Variants in TRIM2 observed in about 807,000 individuals in gnomAD.
The protein encoded by TRIM2 is tripartite motif containing 2, also known as tripartite motif-containing protein 2.
In TRIM2, 20 loss-of-function variants were observed where a neutral mutation model predicts 75.2. The ratio of observed to expected loss-of-function variants is 0.27; its 90% confidence interval spans 0.19 to 0.39. The LOEUF is 0.39. Among genes scored for constraint, TRIM2 ranks in the 10% least tolerant of loss-of-function variants. TRIM2 has a pLI of 1.00. For synonymous variants in TRIM2, 373 were observed against 388.3 expected (o/e 0.96, Z 0.46); for missense variants, 660 against 990.8 (o/e 0.67, Z 4.48).
At chr4:153,263,399 T>C (rs1263158238) in intron 1 of TRIM2, among the ~76,000 whole-genome samples, 1 of 152,200 alleles carries the variant, frequency 6.6e-6, no homozygotes, top group Admixed American at 6.5e-5. Flanking sequence ...AACATTCAGA[T>C]GACCGGCAAC....
intron 1 of TRIM2, among the ~76,000 whole-genome samples, chr4:153,181,361 C>A (rs939543217): frequency 6.6e-6 from 1 of 152,174 alleles, no homozygotes; most frequent in African/African-American, 2.4e-5. Context: ...CCCTGTGGGC[C>A]CTGGTCACAG....
chr4:153,189,450 C>G (rs1560797066), intron 1 of TRIM2, among the ~76,000 whole-genome samples: 1 of 152,206 alleles, frequency 6.6e-6, no homozygotes, highest in East Asian at 1.9e-4. Context: ...AACCACAGAG[C>G]TGGCTGAAGG....
chr4:153,179,762 A>G lies in TRIM2; in HGVS notation c.-49+26492A>G, dbSNP rs574348699. ...AGAGTTTTTAAAGGGGTGTTTAGAA[A>G]ATCAGCACCTTATTTGTGGCAAGGC... On this transcript the variant is annotated intron_variant, in intron 1 of 11. Coordinates refer to the TRIM2 transcript ENST00000437508. Among the ~76,000 whole-genome samples, 166 of 152,232 alleles carry G rather than the reference A, an allele frequency of 1.1e-3. 1 individual carries two copies. Among genetic ancestry groups the G allele is most frequent in the African/African-American group, 3.9e-3 (162 of 41,522 alleles).
chr4:153,256,813 T>C (rs542290024), intron 1 of TRIM2, among the ~76,000 whole-genome samples: 1 of 152,220 alleles, frequency 6.6e-6, no homozygotes, highest in Non-Finnish European at 1.5e-5. Context: ...AGAAATGTCA[T>C]TGCATGATTT....
In TRIM2 at chr4:153,336,818, C is replaced by T; in HGVS notation, c.*1852C>T. ...AAAAAGGTTTTTCCAGGAAGATTTACATTTAGGTTTAATATTTTTTTAGTT... is the reference window on the plus strand; with the variant it reads ...AAAAAGGTTTTTCCAGGAAGATTTATATTTAGGTTTAATATTTTTTTAGTT... On this transcript the variant is annotated 3_prime_UTR_variant, in exon 12 of 12. Coordinates refer to ENST00000338700, the MANE Select transcript of TRIM2 (RefSeq NM_015271.5). 1 of 985,398 alleles carries T rather than the reference C, an allele frequency of 1.0e-6. No individual in the cohort carries two copies. Among genetic ancestry groups the T allele is most frequent in the Non-Finnish European group, 1.2e-6 (1 of 829,578 alleles). 61.0% of individuals were successfully genotyped at this position (985,398 alleles called of 1,614,324 possible).
At chr4:153,226,855 T>C (rs1742258881) in intron 1 of TRIM2, among the ~76,000 whole-genome samples, 3 of 152,124 alleles carry the variant, frequency 2.0e-5, no homozygotes, top group Non-Finnish European at 4.4e-5. Context: ...CCCAATCAGG[T>C]AGAAGAAAGG....
intron 2 of TRIM2, among the ~76,000 whole-genome samples, chr4:153,275,378 T>A (rs1328530726): frequency 6.6e-6 from 1 of 152,250 alleles, no homozygotes; most frequent in Non-Finnish European, 1.5e-5. Context: ...CACTTTGATG[T>A]GTTTTTTATA....
At chr4:153,304,185 C>A (rs2405970) in intron 6 of TRIM2, among the ~76,000 whole-genome samples, 33,760 of 152,028 alleles carry the variant, frequency 0.22, 4,356 homozygotes, top group African/African-American at 0.35. Context: ...ATGATCTCAG[C>A]TCACTTTAAT....
intron 1 of TRIM2, among the ~76,000 whole-genome samples, chr4:153,175,965 G>A (rs539025994): frequency 3.7e-4 from 56 of 152,134 alleles, no homozygotes; most frequent in Non-Finnish European, 7.4e-4. Flanking sequence ...AATCAGTGGG[G>A]CCCAGGAGTT....
intron 1 of TRIM2, among the ~76,000 whole-genome samples, chr4:153,236,873 G>T (rs879090838): frequency 6.6e-6 from 1 of 151,940 alleles, no homozygotes; most frequent in African/African-American, 2.4e-5. Flanking sequence ...TAAATTTTTG[G>T]TAGAGATGGG....
At chr4:153,310,964 G>A (rs55749285) in intron 6 of TRIM2, among the ~76,000 whole-genome samples, 9,658 of 152,222 alleles carry the variant, frequency 0.063, 414 homozygotes, top group Middle Eastern at 0.13. Flanking sequence ...GTTCAGCAGA[G>A]GTCATGGAAC....
At chr4:153,182,599 T>C (rs185475234) in intron 1 of TRIM2, among the ~76,000 whole-genome samples, 1 of 152,312 alleles carries the variant, frequency 6.6e-6, no homozygotes, top group Non-Finnish European at 1.5e-5. Context: ...CAGGAACCAC[T>C]CAGTATTCAA....
In TRIM2 at chr4:153,295,929, C is replaced by T; in HGVS notation, c.1403C>T (p.Pro468Leu). 5 of 1,600,512 alleles carry T rather than the reference C, an allele frequency of 3.1e-6. No homozygotes were observed. Among genetic ancestry groups the T allele is most frequent in the Non-Finnish European group, 4.3e-6 (5 of 1,173,652 alleles). ...GGCGTGAAGAGGCGCGTTAAGTCCC[C>T]GGGGAGCGGCCACGTCAAGCAGAAA... ...TEGVKRRVKS[P>L]GSGHVKQKAV... Residue 468 changes from proline (P) to leucine (L), a missense_variant, in exon 6 of 12, where the codon CCG becomes CTG. Transcript: ENST00000338700. The surrounding 1 kb of genome is among the most constrained non-coding windows in gnomAD (Gnocchi z 7.2).
chr4:153,253,033 A>G (rs1260065013), intron 1 of TRIM2, among the ~76,000 whole-genome samples: 1 of 152,224 alleles, frequency 6.6e-6, no homozygotes, highest in Non-Finnish European at 1.5e-5. Context: ...TGGAACCTTC[A>G]ACAGTTTCTA....
intron 1 of TRIM2, among the ~76,000 whole-genome samples, chr4:153,192,856 G>A (rs1386254549): frequency 1.3e-5 from 2 of 152,098 alleles, no homozygotes; most frequent in African/African-American, 4.8e-5. Flanking sequence ...GTTTCTCAGT[G>A]AGGCTTTCCT....
chr4:153,191,287 A>C (rs919358756), intron 1 of TRIM2, among the ~76,000 whole-genome samples: 2 of 152,160 alleles, frequency 1.3e-5, no homozygotes, highest in African/African-American at 4.8e-5. Flanking sequence ...TCTTTTCCAG[A>C]TCAGTCATCT....
At chr4:153,246,173 A>C (rs970602325) in intron 1 of TRIM2, among the ~76,000 whole-genome samples, 4 of 152,252 alleles carry the variant, frequency 2.6e-5, no homozygotes, top group Admixed American at 6.5e-5. Context: ...TGTGCCAGGC[A>C]ACGTGCTAAG....
intron 11 of TRIM2, among the ~76,000 whole-genome samples, chr4:153,334,252 C>A (rs75029213): frequency 0.013 from 1,976 of 152,062 alleles, 18 homozygotes; most frequent in Non-Finnish European, 0.02. Flanking sequence ...TCTTCTCCAC[C>A]ACCTGGAAAT....
At chr4:153,197,417 T>C (rs760289440) in intron 1 of TRIM2, among the ~76,000 whole-genome samples, 18 of 152,170 alleles carry the variant, frequency 1.2e-4, no homozygotes, top group Non-Finnish European at 2.4e-4. Flanking sequence ...CTAGCTCCCC[T>C]CTTTATCAAG....
Sources: allele counts gnomAD v4.1 joint callset (sites outside exome capture counted in the v4.1 genomes callset), GRCh38; gene constraint gnomAD v4.1.1; non-coding constraint Gnocchi (gnomAD v3.1); transcripts MANE v1.5; gene names NCBI Gene and HGNC (gene_info 2026-07-23, HGNC 2026-07-21).